The following PIGN variants were observed in gnomAD, a reference collection of about 807,000 sequenced individuals.
PIGN encodes the protein phosphatidylinositol glycan anchor biosynthesis class N.
Under a neutral mutation model 125.4 loss-of-function variants are expected in PIGN, and 117 were observed. The observed-to-expected ratio is 0.93, with a 90% confidence interval of 0.80 to 1.09. PIGN has a LOEUF of 1.09. Ranked by LOEUF, PIGN falls within the 50% of genes least tolerant of loss-of-function variation. The pLI is 0.00. For missense variants in PIGN, 1,075 were observed against 1,094.9 expected, an observed-to-expected ratio of 0.98 and a Z score of 0.26; for synonymous variants, 392 against 377.8, an observed-to-expected ratio of 1.04 and a Z score of -0.44.
chr18:62,088,123 C>CG, intron 25 of PIGN, among the ~76,000 whole-genome samples: 1 of 152,260 alleles, frequency 6.6e-6, no homozygotes, highest in Admixed American at 6.5e-5. Flanking sequence ...TATATCAAAA[C>CG]ATCAAAATAT....
At chr18:62,105,672 G>A (rs1486234915) in intron 19 of PIGN, 38 bp from the exon 20 acceptor site, 2 of 1,245,622 alleles carry the variant, frequency 1.6e-6, no homozygotes, top group Admixed American at 2.2e-5. Context: ...GACAAATATG[G>A]TATAGAAAAC....
chr18:62,123,486 A>C (rs2035387463), intron 14 of PIGN: 1 of 152,186 alleles, frequency 6.6e-6, no homozygotes, highest in Non-Finnish European at 1.5e-5. Flanking sequence ...TTTGCTGATA[A>C]GAACTTTCAA....
At chr18:62,055,950 A>C (rs2031689734) in intron 30 of PIGN, among the ~76,000 whole-genome samples, 1 of 150,988 alleles carries the variant, frequency 6.6e-6, no homozygotes, top group South Asian at 2.1e-4. Context: ...AAGATAATTT[A>C]TAATTAGAAG....
intron 28 of PIGN, among the ~76,000 whole-genome samples, chr18:62,081,712 A>G (rs1373580480): frequency 6.6e-6 from 1 of 152,164 alleles, no homozygotes; most frequent in Non-Finnish European, 1.5e-5. Flanking sequence ...AGGAAAGTAC[A>G]TGTCATTCAC....
At chr18:62,072,550 C>T in intron 30 of PIGN, 123 bp downstream of exon 30, 1 of 732,238 alleles carries the variant, frequency 1.4e-6, no homozygotes, top group Non-Finnish European at 2.3e-6. Flanking sequence ...GTGTTGTAGG[C>T]TACACCATCT....
chr18:62,073,516 T>C (rs1350060445), intron 29 of PIGN, among the ~76,000 whole-genome samples: 1 of 152,194 alleles, frequency 6.6e-6, no homozygotes, highest in Middle Eastern at 3.2e-3. Context: ...CACAAATGGC[T>C]GTTCAAGTCA....
chr18:62,085,556 G>A (rs1385990094), intron 25 of PIGN, among the ~76,000 whole-genome samples: 1 of 151,920 alleles, frequency 6.6e-6, no homozygotes, highest in African/African-American at 2.4e-5. Context: ...TCTGTAGTGG[G>A]CTGCTAGTGA....
chr18:62,078,001 A>C (rs935024277), intron 28 of PIGN, among the ~76,000 whole-genome samples: 3 of 152,174 alleles, frequency 2.0e-5, no homozygotes, highest in African/African-American at 7.2e-5. Context: ...TAAGGACATC[A>C]GTCATATTGG....
At chr18:62,159,985 CGCCTGTAGTCCCA>C (rs1160911236) in intron 4 of PIGN, among the ~76,000 whole-genome samples, 8 of 152,086 alleles carry the variant, frequency 5.3e-5, no homozygotes, top group Non-Finnish European at 1.0e-4. Context: ...TGGTGGCGGG[CGCCTGTAGTCCCA>C]GCTACTCGGG....
chr18:62,074,815 A>G lies in PIGN; in HGVS notation c.2583T>C (p.Phe861=), dbSNP rs202002703. 1 of 1,603,410 alleles carries G rather than the reference A, an allele frequency of 6.2e-7. No homozygotes were observed. Among genetic ancestry groups the G allele is most frequent in the East Asian group, 2.2e-5 (1 of 44,636 alleles). Residue 861 remains phenylalanine (F), a synonymous_variant, in exon 29 of 31, where the codon TTT becomes TTC. Transcript: ENST00000640252. ...TGTCTGATATGACGAGAACAATGAGAAAAAGGCTGGAAAAAAAAAGAAGGA... is the reference window on the plus strand; with the variant it reads ...TGTCTGATATGACGAGAACAATGAGGAAAAGGCTGGAAAAAAAAAGAAGGA... ...LTTQLSSKSL[F]LIVLVISDIM...
chr18:62,090,560 T>C lies in PIGN; in HGVS notation c.2199A>G (p.Pro733=), dbSNP rs767340143. The C allele has an allele frequency of 6.2e-6, 10 of 1,605,884 alleles. No individual in the cohort carries two copies. The highest frequency in any genetic ancestry group is 3.3e-5 in the Admixed American group (2 of 59,796). Residue 733 remains proline (P), a synonymous_variant, in exon 24 of 31, where the codon CCA becomes CCG. Transcript: ENST00000640252. The stretch of plus-strand genomic sequence containing the variant: ...CAAACATCAAACAAGACAACACTAG[T>C]GGAAAGAGAGCTTCATACCTAACAG... ...LLSTGYEALF[P]LVLSCLMFVW... is the part of the protein sequence containing the mutation.
chr18:62,025,980 C>G (rs1201247752), intron 23 of PIGN, among the ~76,000 whole-genome samples: 1 of 152,168 alleles, frequency 6.6e-6, no homozygotes, highest in East Asian at 1.9e-4. Context: ...GACCTACATC[C>G]AGTATCAGAG....
chr18:62,154,953 T>C (rs1406415110), intron 6 of PIGN, among the ~76,000 whole-genome samples: 1 of 152,112 alleles, frequency 6.6e-6, no homozygotes, highest in Non-Finnish European at 1.5e-5. Context: ...ATAAGCAATA[T>C]AACAAAAATA....
rs951541131 is a variant in PIGN at position 62,043,466 on chromosome 18, T to G, written c.*2390A>C. The G allele has an allele frequency of 2.0e-5, 3 of 152,148 alleles. No homozygotes were observed. Among genetic ancestry groups the G allele is most frequent in the African/African-American group, 7.2e-5 (3 of 41,420 alleles). The allele number at this position is 152,148 out of a possible 1,614,324, so 9.4% of individuals were successfully genotyped here. A position where few individuals can be genotyped will look rare whatever the true frequency, so the allele number is the denominator to read the frequency against. Reference sequence around the variant, plus strand: ...GACACTGATGTTCTTAATATCTGAGTTGGCTGAAATTTGTAATAAGTTTTT... The same window carrying G: ...GACACTGATGTTCTTAATATCTGAGGTGGCTGAAATTTGTAATAAGTTTTT... On this transcript the variant is annotated 3_prime_UTR_variant, in exon 31 of 31. Coordinates refer to ENST00000640252, the MANE Select transcript of PIGN (RefSeq NM_176787.5).
chr18:62,040,813 G>C (rs1014373350), downstream of PIGN, among the ~76,000 whole-genome samples: 3 of 152,208 alleles, frequency 2.0e-5, no homozygotes, highest in African/African-American at 7.2e-5. Flanking sequence ...GTTTATGTCT[G>C]TAAGATTGAC....
At chr18:62,099,491 C>A (rs1188921062) in intron 22 of PIGN, among the ~76,000 whole-genome samples, 1 of 142,438 alleles carries the variant, frequency 7.0e-6, no homozygotes, top group Non-Finnish European at 1.6e-5. Flanking sequence ...ATAGCCAAAG[C>A]AATCTTAAGC....
At chr18:62,020,833 C>T (rs1050950503) in intron 23 of PIGN, among the ~76,000 whole-genome samples, 1 of 151,062 alleles carries the variant, frequency 6.6e-6, no homozygotes, top group Non-Finnish European at 1.5e-5. Context: ...TGGTAGCAGG[C>T]GCCTGTAGTC....
At chr18:62,023,415 T>C (rs2030077878) in intron 23 of PIGN, among the ~76,000 whole-genome samples, 1 of 152,246 alleles carries the variant, frequency 6.6e-6, no homozygotes. Context: ...TCAGTCCTTT[T>C]TATCAGTGAA....
chr18:62,130,611 T>G (rs957966138), intron 14 of PIGN, among the ~76,000 whole-genome samples: 26 of 152,206 alleles, frequency 1.7e-4, no homozygotes, highest in Admixed American at 1.3e-4. Flanking sequence ...ATTCATTTTT[T>G]TAATGGTTAC....
Sources: gnomAD v4.1 joint callset for allele counts (sites outside exome capture counted in the v4.1 genomes callset) on GRCh38, gnomAD v4.1.1 for gene constraint, MANE v1.5 for transcripts, NCBI Gene and HGNC (gene_info 2026-07-23, HGNC 2026-07-21) for gene names.